Variants in OR4M1 observed in about 807,000 individuals in gnomAD.
The protein encoded by OR4M1 is olfactory receptor family 4 subfamily M member 1.
Under a neutral mutation model 9.8 loss-of-function variants are expected in OR4M1, and 7 were observed. That is an observed-to-expected ratio of 0.71 (90% CI 0.41 to 1.34). The LOEUF (loss-of-function observed/expected upper bound fraction) is 1.34, where lower values mean the gene tolerates loss of function less well. Among genes scored for constraint, OR4M1 ranks in the 40% most tolerant of loss-of-function variants. OR4M1 has a pLI of 0.01. For synonymous variants in OR4M1, 121 were observed against 139.8 expected, an observed-to-expected ratio of 0.87 and a Z score of 0.95; for missense variants, 331 against 380.4, an observed-to-expected ratio of 0.87 and a Z score of 1.08.
At position 19,782,942 on chromosome 14, in the gene OR4M1, C is replaced by G. The variant is rs1414028733; in HGVS notation, c.*1678C>G. ...TGTCATTTCTCTGTATTTGATCTAG[C>G]CAGACTTCTATTCATTTTGTCACTT... is the stretch of plus-strand genomic sequence containing the variant. On this transcript the variant is annotated 3_prime_UTR_variant, in exon 2 of 2. Coordinates refer to ENST00000641200, the MANE Select transcript of OR4M1 (RefSeq NM_001005500.2). 1 of 152,158 alleles carries G rather than the reference C, an allele frequency of 6.6e-6. No individual in the cohort carries two copies. Among genetic ancestry groups the G allele is most frequent in the Non-Finnish European group, 1.5e-5 (1 of 68,032 alleles). 9.4% of individuals were successfully genotyped at this position (152,158 alleles called of 1,614,324 possible).
At chr14:19,775,056 A>G (rs1878269298) in intron 1 of OR4M1, among the ~76,000 whole-genome samples, 3 of 152,236 alleles carry the variant, frequency 2.0e-5, no homozygotes, top group East Asian at 1.9e-4. Flanking sequence ...CTTAACTGCC[A>G]TTAGACTTTC....
rs58150334 is a variant in OR4M1 at position 19,777,049 on chromosome 14, T to TATATATATATA, written c.-29-3245_-29-3244insATATATATATA. Among the ~76,000 whole-genome samples, 75 of 115,614 alleles carry TATATATATATA rather than the reference T, an allele frequency of 6.5e-4. 1 individual carries two copies. Among genetic ancestry groups the TATATATATATA allele is most frequent in the Non-Finnish European group, 8.5e-4 (50 of 58,612 alleles). The allele number at this position is 115,614 out of a possible 152,430, so 75.8% of individuals were successfully genotyped here. A position where few individuals can be genotyped will look rare whatever the true frequency, so the allele number is the denominator to read the frequency against. On this transcript the variant is annotated intron_variant, in intron 1 of 1. Coordinates refer to ENST00000641200, the MANE Select transcript of OR4M1 (RefSeq NM_001005500.2). ...ATATATATATATATATATATATATA[T>TATATATATATA]TGTTTGTTTGTTTTTCCTGTAATGT...
chr14:19,775,862 A>G (rs1291703057), intron 1 of OR4M1, among the ~76,000 whole-genome samples: 2 of 151,362 alleles, frequency 1.3e-5, no homozygotes, highest in Non-Finnish European at 2.9e-5. Flanking sequence ...GATCTTCAAG[A>G]TAGTATAATA....
chr14:19,780,257 C>T (rs1878428586), intron 1 of OR4M1, 37 bp from the exon 2 acceptor site: 35 of 1,462,062 alleles, frequency 2.4e-5, no homozygotes, highest in Non-Finnish European at 2.9e-5. Context: ...TAGATAAATG[C>T]TATGTGGACT....
intron 1 of OR4M1, among the ~76,000 whole-genome samples, chr14:19,779,191 A>G (rs1415862588): frequency 6.6e-6 from 1 of 152,230 alleles, no homozygotes; most frequent in East Asian, 1.9e-4. Flanking sequence ...CATAGTGCCC[A>G]TAAGTGTTTG....
chr14:19,775,929 C>T (rs1429699166), intron 1 of OR4M1, among the ~76,000 whole-genome samples: 3 of 151,836 alleles, frequency 2.0e-5, no homozygotes, highest in South Asian at 4.1e-4. Context: ...TTACTGTGGG[C>T]AACGATGCAC....
chr14:19,775,029 T>C (rs1302867609), intron 1 of OR4M1, among the ~76,000 whole-genome samples: 1 of 152,242 alleles, frequency 6.6e-6, no homozygotes, highest in African/African-American at 2.4e-5. Flanking sequence ...AGGTGCCTTC[T>C]TACATCCCCG....
Position 19,782,972 on chromosome 14 carries a change from T to C in OR4M1, c.*1708T>C, listed in dbSNP as rs923395584. 1 of 152,260 alleles carries C rather than the reference T, an allele frequency of 6.6e-6. No homozygotes were observed. Among genetic ancestry groups the C allele is most frequent in the African/African-American group, 2.4e-5 (1 of 41,476 alleles). 9.4% of individuals were successfully genotyped at this position (152,260 alleles called of 1,614,324 possible). On this transcript the variant is annotated 3_prime_UTR_variant, in exon 2 of 2. Transcript: ENST00000641200. ...CTTCTATTCATTTTGTCACTTATCTTTCATCAAACTAGGGCTGATGTTCTT... is the reference window on the plus strand; with the variant it reads ...CTTCTATTCATTTTGTCACTTATCTCTCATCAAACTAGGGCTGATGTTCTT...
Position 19,782,901 on chromosome 14 carries a change from T to C in OR4M1, c.*1637T>C, listed in dbSNP as rs1018063994. ...TAAAATGATGAGTTATGTTTCTAAA[T>C]CTTTTATCATCTTACTGTCATTTCT... On this transcript the variant is annotated 3_prime_UTR_variant, in exon 2 of 2. Coordinates refer to ENST00000641200, the MANE Select transcript of OR4M1 (RefSeq NM_001005500.2). 6.6e-6 allele frequency: 1 copy of C among 152,214 alleles called. No individual in the cohort carries two copies. Among genetic ancestry groups the C allele is most frequent in the African/African-American group, 2.4e-5 (1 of 41,462 alleles). 9.4% of individuals were successfully genotyped at this position (152,214 alleles called of 1,614,324 possible).
In OR4M1 at chr14:19,780,673, G is replaced by A; in HGVS notation, c.351G>A (p.Val117=). The change falls in exon 2 of 2, where the codon GTG becomes GTA. Residue 117 remains valine, a synonymous_variant. Coordinates refer to ENST00000641200, the MANE Select transcript of OR4M1 (RefSeq NM_001005500.2). ...CTTCGGAGATGTTCTTGCTCACAGTGATGGCCTATGACCGCTATGCTGCTA... is the reference window on the plus strand; with the variant it reads ...CTTCGGAGATGTTCTTGCTCACAGTAATGGCCTATGACCGCTATGCTGCTA... ...VGASEMFLLT[V]MAYDRYAAIC... The A allele has an allele frequency of 1.2e-6, 2 of 1,614,238 alleles. No individual in the cohort carries two copies. The highest frequency in any genetic ancestry group is 1.7e-6 in the Non-Finnish European group (2 of 1,180,044).
intron 1 of OR4M1, among the ~76,000 whole-genome samples, chr14:19,779,539 G>A (rs76543265): frequency 4.6e-5 from 7 of 152,330 alleles, no homozygotes; most frequent in Middle Eastern, 3.4e-3. Flanking sequence ...ACAGCAGAGC[G>A]GATCAGCTCA....
In OR4M1 at chr14:19,781,193, T is replaced by C. The variant is rs774227360; in HGVS notation, c.871T>C (p.Leu291=). ...FPLLNPIIYT[L]RNKEVKAAMR... is the part of the protein sequence containing the mutation. ...TTTACTTAATCCCATTATTTACACA[T>C]TGAGAAACAAGGAAGTAAAGGCAGC... The change falls in exon 2 of 2, where the codon TTG becomes CTG. Residue 291 remains leucine, a synonymous_variant. Transcript: ENST00000641200. 1.9e-5 allele frequency: 31 copies of C among 1,614,026 alleles called. No individual in the cohort carries two copies. Among genetic ancestry groups the C allele is most frequent in the South Asian group, 1.6e-4 (15 of 91,080 alleles).
intron 1 of OR4M1, among the ~76,000 whole-genome samples, chr14:19,776,572 T>C (rs577081087): frequency 6.6e-5 from 10 of 152,212 alleles, no homozygotes; most frequent in Non-Finnish European, 1.5e-4. Context: ...ATCCAACCAC[T>C]GGTCTAAGAG....
At chr14:19,778,947 C>T (rs1249268163) in intron 1 of OR4M1, among the ~76,000 whole-genome samples, 7 of 152,304 alleles carry the variant, frequency 4.6e-5, no homozygotes, top group African/African-American at 7.2e-5. Context: ...TCTAAATAGT[C>T]CCACATTACT....
rs1383613260 is a variant in OR4M1 at position 19,781,959 on chromosome 14, A to G, written c.*695A>G. 6.6e-6 allele frequency: 1 copy of G among 152,376 alleles called. No homozygotes were observed. Among genetic ancestry groups the G allele is most frequent in the African/African-American group, 2.4e-5 (1 of 41,472 alleles). 9.4% of individuals were successfully genotyped at this position (152,376 alleles called of 1,614,324 possible). ...ATGAGATTCATGTCATTCCAGATGA[A>G]GCCTCCAGGCAACTAGCAATTTTTA... On this transcript the variant is annotated 3_prime_UTR_variant, in exon 2 of 2. Coordinates refer to ENST00000641200, the MANE Select transcript of OR4M1 (RefSeq NM_001005500.2).
At position 19,780,534 on chromosome 14, in the gene OR4M1, T is replaced by G; in HGVS notation, c.212T>G (p.Ile71Ser). ...TTGGCTAATCTGGCCCTCCTTGATA[T>G]TTGGTACTCTTCCATTACAGCCCCT... ...FLLANLALLDIWYSSITAPKM... is the reference protein window; with the variant it reads ...FLLANLALLDSWYSSITAPKM... Residue 71 changes from isoleucine (I) to serine (S), a missense_variant, in exon 2 of 2, where the codon ATT becomes AGT. By Grantham distance (142) the Ile-to-Ser change is moderately radical. This residue lies in a region of OR4M1 where 209 missense variants were observed against 200.0 expected (regional missense o/e 1.04). Transcript: ENST00000641200. The G allele has an allele frequency of 6.2e-7, 1 of 1,614,250 alleles. No individual in the cohort carries two copies. Among genetic ancestry groups the G allele is most frequent in the African/African-American group, 1.3e-5 (1 of 75,068 alleles).
rs1452729401 is a variant in OR4M1 at position 19,782,158 on chromosome 14, A to G, written c.*894A>G. ...AATCCTGCCTCTCATGTTAAACTTA[A>G]ATTGGTTAGGTGCTGTTTTTGTTAG... is the stretch of plus-strand genomic sequence containing the variant. On this transcript the variant is annotated 3_prime_UTR_variant, in exon 2 of 2. Transcript: ENST00000641200. The G allele has an allele frequency of 6.6e-6, 1 of 150,754 alleles. No individual in the cohort carries two copies. Among genetic ancestry groups the G allele is most frequent in the Non-Finnish European group, 1.5e-5 (1 of 66,918 alleles). The allele number at this position is 150,754 out of a possible 1,614,324, so 9.3% of individuals were successfully genotyped here.
intron 1 of OR4M1, among the ~76,000 whole-genome samples, chr14:19,775,993 T>C (rs2138427619): frequency 6.6e-6 from 1 of 152,188 alleles, no homozygotes; most frequent in South Asian, 2.1e-4. Flanking sequence ...CTGGTTTATT[T>C]ATGACACTCG....
At chr14:19,776,946 C>T (rs1474324873) in intron 1 of OR4M1, among the ~76,000 whole-genome samples, 1 of 143,542 alleles carries the variant, frequency 7.0e-6, no homozygotes, top group South Asian at 2.2e-4. Flanking sequence ...GTTGCATCTC[C>T]TAAATATTTT....
Sources: allele counts gnomAD v4.1 joint callset (sites outside exome capture counted in the v4.1 genomes callset), GRCh38; gene constraint gnomAD v4.1.1; regional missense constraint gnomAD v4.1.1; transcripts MANE v1.5; gene names NCBI Gene and HGNC (gene_info 2026-07-23, HGNC 2026-07-21).